The following TDRD1 variants were observed in gnomAD, a reference collection of about 807,000 sequenced individuals.
TDRD1 encodes tudor domain containing 1, also known as tudor domain-containing protein 1.
A neutral mutation model predicts 140.6 loss-of-function variants in TDRD1; 37 were observed. The ratio of observed to expected loss-of-function variants is 0.26; its 90% confidence interval spans 0.20 to 0.35. The LOEUF (loss-of-function observed/expected upper bound fraction) is 0.35. Ranked by LOEUF, TDRD1 falls within the 10% of genes least tolerant of loss-of-function variation. TDRD1 has a pLI of 1.00. For missense variants in TDRD1, 1,243 were observed against 1,393.0 expected (o/e 0.89, Z 1.71); for synonymous variants, 506 against 475.7 (o/e 1.06, Z -0.83).
At chr10:114,189,165 T>C (rs80141311) in intron 2 of TDRD1, among the ~76,000 whole-genome samples, 315 of 152,306 alleles carry the variant, frequency 2.1e-3, no homozygotes, top group African/African-American at 7.0e-3. Context: ...AAACCAGAAA[T>C]GCCAACTTCA....
At chr10:114,221,820 A>G (rs2036163524) in intron 20 of TDRD1, among the ~76,000 whole-genome samples, 1 of 152,254 alleles carries the variant, frequency 6.6e-6, no homozygotes, top group Admixed American at 6.5e-5. Flanking sequence ...ATCCATTCAT[A>G]ATCATAGCTT....
intron 16 of TDRD1, among the ~76,000 whole-genome samples, chr10:114,215,368 A>G (rs1414817256): frequency 6.6e-6 from 1 of 152,142 alleles, no homozygotes; most frequent in East Asian, 1.9e-4. Context: ...ATTACAGCAT[A>G]TCTGGTGCAC....
chr10:114,195,649 C>CT (rs1318102158), intron 3 of TDRD1, among the ~76,000 whole-genome samples: 1 of 152,130 alleles, frequency 6.6e-6, no homozygotes, highest in Non-Finnish European at 1.5e-5. Context: ...ATTTTTCCAT[C>CT]TTTTTACTTT....
At chr10:114,199,793 T>A (rs2034607518) in intron 4 of TDRD1, among the ~76,000 whole-genome samples, 1 of 152,252 alleles carries the variant, frequency 6.6e-6, no homozygotes. Context: ...CACGTACAAT[T>A]ATTTTTTGTT....
At chr10:114,204,271 A>G in intron 9 of TDRD1, 55 bp downstream of exon 9, 1 of 1,528,444 alleles carries the variant, frequency 6.5e-7, no homozygotes, top group Non-Finnish European at 8.7e-7. Context: ...AGCTGTTGTC[A>G]ATGTTTTGAT....
At chr10:114,231,680 C>CT in exon 26 of TDRD1, 5 of 535,170 alleles carry the variant, frequency 9.3e-6, no homozygotes, top group South Asian at 3.2e-5. Context: ...TTATTTTCCT[C>CT]TAAGTTCCTT....
intron 3 of TDRD1, 105 bp downstream of exon 3, chr10:114,191,124 A>T: frequency 7.9e-7 from 1 of 1,261,522 alleles, no homozygotes; most frequent in South Asian, 1.5e-5. Context: ...TTCAAGATCA[A>T]ATGTTTTTTC....
At chr10:114,201,592 C>T (rs1214733264) in intron 5 of TDRD1, 77 bp downstream of exon 5, 2 of 1,169,994 alleles carry the variant, frequency 1.7e-6, no homozygotes, top group Non-Finnish European at 2.5e-6. Context: ...ATTAGTTAAG[C>T]AGACCACAAC....
chr10:114,177,936 G>T (rs111932518), upstream of TDRD1, among the ~76,000 whole-genome samples: 5 of 151,066 alleles, frequency 3.3e-5, no homozygotes, highest in Non-Finnish European at 5.9e-5. Flanking sequence ...GGGTGCAGGC[G>T]ATTCTCCTGC....
chr10:114,213,240 C>G (rs2035601846), intron 14 of TDRD1, 106 bp from the exon 15 acceptor site: 1 of 999,964 alleles, frequency 1.0e-6, no homozygotes, highest in Non-Finnish European at 1.5e-6. Flanking sequence ...CGTTTCCGTT[C>G]CAGTGTTTGC....
At chr10:114,203,270 C>T in intron 7 of TDRD1, 94 bp downstream of exon 7, 1 of 1,482,624 alleles carries the variant, frequency 6.7e-7, no homozygotes, top group Non-Finnish European at 9.2e-7. Flanking sequence ...AGCTACAAAA[C>T]ATAAACATTG....
At chr10:114,183,886 C>T (rs2033302082) in intron 1 of TDRD1, among the ~76,000 whole-genome samples, 1 of 151,738 alleles carries the variant, frequency 6.6e-6, no homozygotes, top group Non-Finnish European at 1.5e-5. Flanking sequence ...TGAGATTACA[C>T]GTGTGAGCCA....
Position 114,203,650 on chromosome 10 carries a change from C to T in TDRD1, c.981+83C>T, listed in dbSNP as rs1201874615. 6 of 1,241,690 alleles carry T rather than the reference C, an allele frequency of 4.8e-6. No individual in the cohort carries two copies. In the East Asian group the frequency reaches 9.5e-5, roughly 20 times the overall value. 76.9% of individuals were successfully genotyped at this position (1,241,690 alleles called of 1,614,324 possible). On this transcript the variant is annotated intron_variant, in intron 8 of 25. Coordinates refer to ENST00000251864, the Ensembl canonical transcript of TDRD1. ...CTGAACACCAGAGCTTTTAATGATG[C>T]ATGACAAGGCTTAAAGCCAGCCTCT... is the stretch of plus-strand genomic sequence containing the variant.
At chr10:114,231,497 C>T (rs773591579) in exon 26 of TDRD1, 2 of 1,602,086 alleles carry the variant, frequency 1.2e-6, no homozygotes, top group Non-Finnish European at 1.7e-6. Flanking sequence ...AACAGCATCT[C>T]TTGGAGGTAA....
chr10:114,231,665 G>T, exon 26 of TDRD1: 2 of 561,798 alleles, frequency 3.6e-6, no homozygotes, highest in East Asian at 3.4e-5. Flanking sequence ...TTAGGTTGGT[G>T]GTTTTTATTT....
At chr10:114,227,337 T>A in intron 23 of TDRD1, 38 bp downstream of exon 23, 1 of 1,388,978 alleles carries the variant, frequency 7.2e-7, no homozygotes, top group Non-Finnish European at 1.0e-6. Context: ...AGATGTTAAG[T>A]GTGAGGAATA....
chr10:114,184,037 A>G (rs2033316418), intron 1 of TDRD1, among the ~76,000 whole-genome samples: 1 of 152,148 alleles, frequency 6.6e-6, no homozygotes, highest in Non-Finnish European at 1.5e-5. Flanking sequence ...TAAAAACCCC[A>G]TAGATATATA....
intron 2 of TDRD1, among the ~76,000 whole-genome samples, chr10:114,189,656 A>G (rs2033812338): frequency 6.6e-6 from 1 of 152,186 alleles, no homozygotes; most frequent in South Asian, 2.1e-4. Flanking sequence ...CAATGGCACA[A>G]TCATGGCTTA....
intron 16 of TDRD1, among the ~76,000 whole-genome samples, chr10:114,215,684 C>T (rs1278813230): frequency 6.6e-6 from 1 of 152,170 alleles, no homozygotes; most frequent in East Asian, 1.9e-4. Context: ...CATTCAGAAT[C>T]ATCTGGTTGG....
Sources: gnomAD v4.1 joint callset for allele counts (sites outside exome capture counted in the v4.1 genomes callset) on GRCh38, gnomAD v4.1.1 for gene constraint, MANE v1.5 for transcripts, NCBI Gene and HGNC (gene_info 2026-07-23, HGNC 2026-07-21) for gene names.